Variants in TMTC2 observed in about 807,000 individuals in gnomAD.
TMTC2 encodes transmembrane O-mannosyltransferase targeting cadherins 2, also known as protein O-mannosyl-transferase TMTC2.
TMTC2 carries 43 observed loss-of-function variants against 82.4 expected under a neutral mutation model. That is an observed-to-expected ratio of 0.52 (90% confidence interval 0.41 to 0.67). The LOEUF is 0.67. Ranked by LOEUF, TMTC2 falls within the 30% of genes least tolerant of loss-of-function variation. The pLI is 0.00. For synonymous variants in TMTC2, 408 were observed against 381.9 expected, an observed-to-expected ratio of 1.07 and a Z score of -0.80; for missense variants, 919 against 1,012.4, an observed-to-expected ratio of 0.91 and a Z score of 1.25.
intron 1 of TMTC2, among the ~76,000 whole-genome samples, chr12:82,744,730 A>G (rs1875597717): frequency 6.6e-6 from 1 of 152,154 alleles, no homozygotes. Flanking sequence ...GCATGGAATT[A>G]TGTCACGTGT....
intron 11 of TMTC2, among the ~76,000 whole-genome samples, chr12:83,084,887 G>C (rs1883598516): frequency 6.6e-6 from 1 of 152,188 alleles, no homozygotes; most frequent in South Asian, 2.1e-4. Context: ...ATCTGACTAT[G>C]GTGGAGGAAT....
intron 2 of TMTC2, 112 bp from the exon 3 acceptor site, chr12:82,895,706 A>G (rs1592608104): frequency 2.1e-6 from 2 of 955,924 alleles, no homozygotes; most frequent in East Asian, 5.3e-5. Context: ...TGGAGACATC[A>G]TGCTGTGTTT....
intron 1 of TMTC2, among the ~76,000 whole-genome samples, chr12:82,723,046 A>G (rs1874285897): frequency 6.6e-6 from 1 of 152,194 alleles, no homozygotes; most frequent in African/African-American, 2.4e-5. Flanking sequence ...GCTTCATAGT[A>G]CCTAGCACAG....
intron 8 of TMTC2, among the ~76,000 whole-genome samples, chr12:83,020,082 A>G (rs1592698091): frequency 6.6e-6 from 1 of 152,332 alleles, no homozygotes; most frequent in East Asian, 1.9e-4. Flanking sequence ...TTTTTAGATC[A>G]AGCATCAATT....
intron 4 of TMTC2, among the ~76,000 whole-genome samples, chr12:82,960,589 A>G (rs1312817388): frequency 1.3e-5 from 2 of 152,026 alleles, no homozygotes; most frequent in African/African-American, 2.4e-5. Flanking sequence ...ATTCATGGCC[A>G]TAAGATGGCA....
chr12:83,069,281 C>A (rs1019098609), intron 11 of TMTC2, among the ~76,000 whole-genome samples: 6 of 152,162 alleles, frequency 3.9e-5, no homozygotes, highest in African/African-American at 1.4e-4. Context: ...CACCATTTTC[C>A]ATAGTAGTTG....
intron 11 of TMTC2, among the ~76,000 whole-genome samples, chr12:83,122,188 G>C (rs1004638606): frequency 6.6e-6 from 1 of 151,332 alleles, no homozygotes; most frequent in South Asian, 2.1e-4. Context: ...AAGTTTCGCC[G>C]AGTCTGTTTC....
At chr12:83,023,769 C>T (rs1881042701) in intron 8 of TMTC2, among the ~76,000 whole-genome samples, 1 of 152,216 alleles carries the variant, frequency 6.6e-6, no homozygotes, top group African/African-American at 2.4e-5. Context: ...CTCACTTTGA[C>T]CTCTAGCTGC....
chr12:82,807,541 A>T (rs559276472), intron 1 of TMTC2, among the ~76,000 whole-genome samples: 1 of 152,252 alleles, frequency 6.6e-6, no homozygotes, highest in East Asian at 1.9e-4. Context: ...GAGACAATGC[A>T]TGACAGAGAC....
In TMTC2 at chr12:83,116,169, T is replaced by C. The variant is rs143770501; in HGVS notation, c.2332-16041T>C. The stretch of plus-strand genomic sequence containing the variant: ...AGCTCCCACTTATGAGTGAGACATA[T>C]GATGTTTGGTTTTCCATTCCTGAGT... On this transcript the variant is annotated intron_variant, in intron 11 of 11. Transcript: ENST00000321196. 4.9e-3 allele frequency among the ~76,000 whole-genome samples: 740 copies of C among 152,308 alleles called. 1 individual carries two copies. Among genetic ancestry groups the C allele is most frequent in the Non-Finnish European group, 6.1e-3 (417 of 68,022 alleles).
intron 11 of TMTC2, among the ~76,000 whole-genome samples, chr12:83,107,642 A>G (rs1459154055): frequency 3.3e-5 from 5 of 152,242 alleles, no homozygotes; most frequent in African/African-American, 1.2e-4. Context: ...ACAGTTGTGT[A>G]TGTAAGTAAA....
chr12:82,880,108 G>C (rs941728473), intron 2 of TMTC2, among the ~76,000 whole-genome samples: 1 of 152,156 alleles, frequency 6.6e-6, no homozygotes, highest in Non-Finnish European at 1.5e-5. Context: ...AGACACATGG[G>C]TTGATTTGGG....
At chr12:82,706,468 C>T (rs997603782) in intron 1 of TMTC2, among the ~76,000 whole-genome samples, 1 of 151,884 alleles carries the variant, frequency 6.6e-6, no homozygotes, top group African/African-American at 2.4e-5. Context: ...TTGATAGGAG[C>T]CAGATCACCA....
intron 2 of TMTC2, among the ~76,000 whole-genome samples, chr12:82,883,537 T>C (rs61931361): frequency 0.085 from 12,921 of 152,290 alleles, 680 homozygotes; most frequent in Admixed American, 0.11. Flanking sequence ...AGTCTCATTA[T>C]AATTTGTCTC....
intron 1 of TMTC2, among the ~76,000 whole-genome samples, chr12:82,743,035 G>A (rs1206923133): frequency 1.3e-5 from 2 of 152,162 alleles, no homozygotes; most frequent in Non-Finnish European, 1.5e-5. Context: ...TTCTGCAGTT[G>A]CAATAGTAGC....
intron 11 of TMTC2, among the ~76,000 whole-genome samples, chr12:83,093,114 T>C (rs77400189): frequency 0.019 from 2,882 of 152,216 alleles, 85 homozygotes; most frequent in African/African-American, 0.065. Flanking sequence ...CATGCACATG[T>C]ATGTGCATGC....
At chr12:82,982,304 A>G (rs1384294718) in intron 7 of TMTC2, among the ~76,000 whole-genome samples, 1 of 152,028 alleles carries the variant, frequency 6.6e-6, no homozygotes, top group Non-Finnish European at 1.5e-5. Flanking sequence ...CCCTCTATCA[A>G]GGATTGGAAA....
intron 1 of TMTC2, among the ~76,000 whole-genome samples, chr12:82,801,435 G>T (rs552341160): frequency 6.6e-6 from 1 of 152,184 alleles, no homozygotes; most frequent in South Asian, 2.1e-4. Flanking sequence ...GGACCCAAGC[G>T]GGTTGCCACT....
intron 1 of TMTC2, among the ~76,000 whole-genome samples, chr12:82,762,483 C>A (rs1279697807): frequency 6.6e-6 from 1 of 152,162 alleles, no homozygotes; most frequent in Admixed American, 6.5e-5. Context: ...AATGCCGTGG[C>A]CGCTTAACCT....
Sources: gnomAD v4.1 joint callset for allele counts (sites outside exome capture counted in the v4.1 genomes callset) on GRCh38, gnomAD v4.1.1 for gene constraint, MANE v1.5 for transcripts, NCBI Gene and HGNC (gene_info 2026-07-23, HGNC 2026-07-21) for gene names.